Variants in GPHN observed in about 807,000 individuals in gnomAD.
GPHN encodes gephyrin.
GPHN carries 17 observed loss-of-function variants against 95.5 expected under a neutral mutation model. The observed-to-expected ratio is 0.18, with a 90% CI of 0.12 to 0.27. GPHN has a LOEUF of 0.27. Ranked by LOEUF, GPHN falls within the 10% of genes least tolerant of loss-of-function variation. The pLI, the probability that GPHN is intolerant of heterozygous loss-of-function variation, is 1.00. For missense variants in GPHN, 660 were observed against 978.1 expected (o/e 0.67, Z 4.34); for synonymous variants, 320 against 322.5 (o/e 0.99, Z 0.08).
In GPHN at chr14:66,833,481, T is replaced by C. The variant is rs576057337; in HGVS notation, c.294+8915T>C. Among the ~76,000 whole-genome samples, 14 of 152,240 alleles carry C rather than the reference T, an allele frequency of 9.2e-5. No individual in the cohort carries two copies. In the South Asian group the frequency reaches 2.5e-3, roughly 27 times the overall value. On this transcript the variant is annotated intron_variant, in intron 4 of 22. Coordinates refer to ENST00000478722, the MANE Select transcript of GPHN (RefSeq NM_020806.5). The stretch of plus-strand genomic sequence containing the variant: ...CACAGCCAAACCATATCACTGCCGT[T>C]ATTCAGAGATTCCTTGGAAACGAGA...
the GPHN span, among the ~76,000 whole-genome samples, chr14:67,190,873 T>C: frequency 6.6e-6 from 1 of 152,176 alleles, no homozygotes; most frequent in Non-Finnish European, 1.5e-5. Context: ...TGGGAATAAT[T>C]AACCTCAAAG....
chr14:66,560,044 A>G (rs1310732238), intron 1 of GPHN, among the ~76,000 whole-genome samples: 2 of 152,056 alleles, frequency 1.3e-5, no homozygotes, highest in African/African-American at 4.8e-5. Context: ...AAGATCAGAT[A>G]GTTGTAGATA....
intron 2 of GPHN, among the ~76,000 whole-genome samples, chr14:66,722,338 C>T (rs984848980): frequency 2.0e-4 from 30 of 152,118 alleles, no homozygotes; most frequent in African/African-American, 7.0e-4. Context: ...TTCACGATAT[C>T]GTTATCAAGA....
chr14:66,541,451 A>C (rs1490859654), intron 1 of GPHN, among the ~76,000 whole-genome samples: 1 of 152,242 alleles, frequency 6.6e-6, no homozygotes, highest in Non-Finnish European at 1.5e-5. Context: ...TATATTTCAC[A>C]ATAGAGGTTC....
At chr14:67,597,737 C>G in the GPHN span, among the ~76,000 whole-genome samples, 1 of 148,276 alleles carries the variant, frequency 6.7e-6, no homozygotes, top group Admixed American at 6.9e-5. Flanking sequence ...CTGATACTGA[C>G]TATAAGTGCC....
At chr14:67,391,360 C>A in the GPHN span, among the ~76,000 whole-genome samples, 1 of 150,360 alleles carries the variant, frequency 6.7e-6, no homozygotes, top group Non-Finnish European at 1.5e-5. Flanking sequence ...AAACCTTAGC[C>A]CTCCTAGTCA....
At chr14:67,057,812 G>T (rs990182056) in intron 10 of GPHN, among the ~76,000 whole-genome samples, 3 of 151,940 alleles carry the variant, frequency 2.0e-5, no homozygotes, top group African/African-American at 7.3e-5. Flanking sequence ...ACTGTTTCTG[G>T]TTCATAAAAT....
chr14:66,944,478 T>C (rs572083441), intron 8 of GPHN, among the ~76,000 whole-genome samples: 2 of 152,336 alleles, frequency 1.3e-5, no homozygotes, highest in African/African-American at 4.8e-5. Context: ...CACACCAGAT[T>C]GGTTACAGCT....
the GPHN span, chr14:67,279,456 A>C: frequency 6.2e-6 from 10 of 1,613,004 alleles, no homozygotes; most frequent in Non-Finnish European, 8.5e-6. Flanking sequence ...AATTCCTCCA[A>C]AGACCGGAAT....
the GPHN span, among the ~76,000 whole-genome samples, chr14:67,492,112 T>C: frequency 2.7e-3 from 418 of 152,132 alleles, 4 homozygotes; most frequent in East Asian, 0.025. Context: ...GCCCACTCTA[T>C]CTCACATGCC....
intron 2 of GPHN, among the ~76,000 whole-genome samples, chr14:66,738,601 T>C (rs2072501522): frequency 6.6e-6 from 1 of 152,168 alleles, no homozygotes; most frequent in Admixed American, 6.5e-5. Flanking sequence ...GTTACTGTCA[T>C]TTAAAAAAAT....
the GPHN span, chr14:67,579,608 C>T: frequency 9.4e-7 from 1 of 1,068,798 alleles, no homozygotes; most frequent in East Asian, 2.6e-5. Flanking sequence ...TTGCTTTGGC[C>T]TTTTGTATTT....
At chr14:67,544,982 A>G in the GPHN span, among the ~76,000 whole-genome samples, 1 of 152,264 alleles carries the variant, frequency 6.6e-6, no homozygotes, top group African/African-American at 2.4e-5. Flanking sequence ...GAATGAGTCT[A>G]ACCAGGGTAA....
rs1567012805 is a variant in GPHN, at chr14:66,845,855, GT to G, written c.294+21290del. On this transcript the variant is annotated intron_variant, in intron 4 of 22. Coordinates refer to ENST00000478722, the MANE Select transcript of GPHN (RefSeq NM_020806.5). Reference sequence around the variant, plus strand: ...TGTGTGTGTGTGTGTGTGTGTGTGTGTGTGTCTGTGTGCGTGCGCACACGTG... The same window carrying G: ...TGTGTGTGTGTGTGTGTGTGTGTGTGGTGTCTGTGTGCGTGCGCACACGTG... 1.9e-3 allele frequency among the ~76,000 whole-genome samples: 274 copies of G among 147,762 alleles called. 2 individuals carry two copies. The highest frequency in any genetic ancestry group is 7.1e-3 in the Middle Eastern group (2 of 280).
At chr14:66,511,509 C>T (rs1338432394) in intron 1 of GPHN, among the ~76,000 whole-genome samples, 1 of 152,034 alleles carries the variant, frequency 6.6e-6, no homozygotes, top group Non-Finnish European at 1.5e-5. Flanking sequence ...CAATATGTTA[C>T]TTAGTATTTT....
intron 1 of GPHN, among the ~76,000 whole-genome samples, chr14:66,585,351 A>AT (rs1314077072): frequency 6.6e-6 from 1 of 152,038 alleles, no homozygotes; most frequent in Non-Finnish European, 1.5e-5. Context: ...TCCTGGATTC[A>AT]TTGATTTTTT....
chr14:67,047,014 C>T (rs566505299), intron 10 of GPHN, among the ~76,000 whole-genome samples: 8 of 152,210 alleles, frequency 5.3e-5, no homozygotes, highest in African/African-American at 1.2e-4. Flanking sequence ...TTATCTTAGG[C>T]GGTTTGCTCT....
the GPHN span, among the ~76,000 whole-genome samples, chr14:67,400,502 T>C: frequency 3.9e-5 from 6 of 152,172 alleles, no homozygotes; most frequent in Non-Finnish European, 8.8e-5. Context: ...GGTCCCCATT[T>C]CCTATGACCA....
At chr14:67,127,398 AGATC>A (rs1325580319) in intron 17 of GPHN, among the ~76,000 whole-genome samples, 2 of 152,182 alleles carry the variant, frequency 1.3e-5, no homozygotes, top group East Asian at 3.8e-4. Context: ...TATTTTAAAA[AGATC>A]AATTGACCTA....
Sources: gnomAD v4.1 joint callset for allele counts (sites outside exome capture counted in the v4.1 genomes callset) on GRCh38, gnomAD v4.1.1 for gene constraint, MANE v1.5 for transcripts, NCBI Gene and HGNC (gene_info 2026-07-23, HGNC 2026-07-21) for gene names.